VSNL1: variants seen among roughly 807,000 people sequenced by gnomAD.
VSNL1 encodes the protein visinin like 1.
Under a neutral mutation model 20.4 loss-of-function variants are expected in VSNL1, and 6 were observed. That is an observed-to-expected ratio of 0.29 (90% confidence interval 0.16 to 0.58). The LOEUF is 0.58. VSNL1 is among the 20% of genes least tolerant of loss of function. The probability of loss-of-function intolerance (pLI) is 0.90; values close to 1 mark genes in which losing one functional copy is unlikely to be tolerated. For synonymous variants in VSNL1, 93 were observed against 86.4 expected (o/e 1.08, Z -0.42); for missense variants, 100 against 234.5 (o/e 0.43, Z 3.75).
At chr2:17,565,736 A>G (rs1359417170) in intron 1 of VSNL1, among the ~76,000 whole-genome samples, 2 of 152,210 alleles carry the variant, frequency 1.3e-5, no homozygotes, top group Non-Finnish European at 2.9e-5. Context: ...ATTTATTATA[A>G]CTACTATACA....
At chr2:17,640,880 G>A (rs1208984312) in intron 2 of VSNL1, among the ~76,000 whole-genome samples, 4 of 152,104 alleles carry the variant, frequency 2.6e-5, no homozygotes, top group Non-Finnish European at 4.4e-5. Context: ...AATAAATTAT[G>A]GTTAACAATA....
chr2:17,548,675 A>G (rs1030431471), intron 1 of VSNL1, among the ~76,000 whole-genome samples: 4 of 152,060 alleles, frequency 2.6e-5, no homozygotes, highest in Non-Finnish European at 5.9e-5. Context: ...CCACCTTCTC[A>G]GTTACATTTC....
chr2:17,628,450 A>G (rs933974466), intron 2 of VSNL1, among the ~76,000 whole-genome samples: 6 of 152,224 alleles, frequency 3.9e-5, no homozygotes, highest in Non-Finnish European at 8.8e-5. Flanking sequence ...TCCACTAGGT[A>G]CCGAGGGGCA....
intron 1 of VSNL1, among the ~76,000 whole-genome samples, chr2:17,582,528 G>A (rs1664372428): frequency 6.6e-6 from 1 of 152,150 alleles, no homozygotes; most frequent in Non-Finnish European, 1.5e-5. Context: ...GAGAAAAGTA[G>A]ATGGAATCAA....
intron 1 of VSNL1, among the ~76,000 whole-genome samples, chr2:17,566,182 ATCTTT>A (rs1479258189): frequency 6.6e-6 from 1 of 152,154 alleles, no homozygotes; most frequent in Non-Finnish European, 1.5e-5. Context: ...ACATTTAGTT[ATCTTT>A]TCTTTTTTTG....
intron 2 of VSNL1, among the ~76,000 whole-genome samples, chr2:17,644,927 G>A (rs532180280): frequency 2.0e-5 from 3 of 152,212 alleles, no homozygotes; most frequent in Non-Finnish European, 4.4e-5. Context: ...TCATAGGCCA[G>A]GCAAAATAGG....
At chr2:17,651,660 G>A (rs984353210) in intron 3 of VSNL1, among the ~76,000 whole-genome samples, 8 of 152,226 alleles carry the variant, frequency 5.3e-5, no homozygotes, top group Non-Finnish European at 1.2e-4. Flanking sequence ...ACCAAGGCCC[G>A]GTGGGCAGTC....
At chr2:17,617,773 G>A (rs951140769) in intron 2 of VSNL1, among the ~76,000 whole-genome samples, 1 of 152,132 alleles carries the variant, frequency 6.6e-6, no homozygotes, top group Non-Finnish European at 1.5e-5. Context: ...TTCATCCTCA[G>A]CTTGTCAGGC....
rs1665714413 is a variant in VSNL1 at position 17,634,732 on chromosome 2, A to G, written c.163-14678A>G. Among the ~76,000 whole-genome samples the G allele has an allele frequency of 6.6e-6, 1 of 152,164 alleles. No homozygotes were observed. The highest frequency in any genetic ancestry group is 1.5e-5 in the Non-Finnish European group (1 of 68,034). ...TTGTTTTGCTGAGATCACAACTGCC[A>G]AAGAAGAGAAAATGGTTAGCTCATT... On this transcript the variant is annotated intron_variant, in intron 2 of 3. Transcript: ENST00000295156. The surrounding 1 kb of genome is among the most constrained non-coding windows in gnomAD (Gnocchi z 4.3).
intron 1 of VSNL1, among the ~76,000 whole-genome samples, chr2:17,564,250 A>T (rs1200464477): frequency 6.6e-6 from 1 of 152,214 alleles, no homozygotes; most frequent in East Asian, 1.9e-4. Flanking sequence ...TGGTCTGGCA[A>T]CCACTTTGTG....
chr2:17,640,219 C>T (rs1367515651), intron 2 of VSNL1, among the ~76,000 whole-genome samples: 2 of 146,706 alleles, frequency 1.4e-5, no homozygotes, highest in South Asian at 2.1e-4. Context: ...TGCCATTGCA[C>T]TCTGGCCTGG....
intron 2 of VSNL1, among the ~76,000 whole-genome samples, chr2:17,635,059 A>G (rs17380736): frequency 0.38 from 57,588 of 152,010 alleles, 11,412 homozygotes; most frequent in Non-Finnish European, 0.42. Flanking sequence ...CACACATCTC[A>G]GGGTGCACCA....
intron 2 of VSNL1, among the ~76,000 whole-genome samples, chr2:17,608,559 G>T (rs1325180882): frequency 1.3e-5 from 2 of 152,204 alleles, no homozygotes; most frequent in East Asian, 3.9e-4. Context: ...TATCCTGGGG[G>T]TGAACAGAGT....
intron 2 of VSNL1, among the ~76,000 whole-genome samples, chr2:17,648,423 A>C (rs1173947148): frequency 6.6e-6 from 1 of 152,234 alleles, no homozygotes; most frequent in Non-Finnish European, 1.5e-5. Flanking sequence ...TCCACTTAGC[A>C]GGTGCAAAAC....
chr2:17,579,503 A>G (rs1664300154), intron 1 of VSNL1, among the ~76,000 whole-genome samples: 2 of 152,166 alleles, frequency 1.3e-5, no homozygotes, highest in South Asian at 2.1e-4. Context: ...GTGAGAAACA[A>G]TTTTACAATT....
chr2:17,601,670 C>T (rs1402765803), intron 2 of VSNL1, among the ~76,000 whole-genome samples: 2 of 151,448 alleles, frequency 1.3e-5, no homozygotes, highest in African/African-American at 4.9e-5. Flanking sequence ...CATGGTGGCT[C>T]ATGCCTGTAA....
intron 2 of VSNL1, among the ~76,000 whole-genome samples, chr2:17,647,864 C>A (rs945832890): frequency 5.9e-5 from 9 of 151,862 alleles, no homozygotes; most frequent in Non-Finnish European, 8.8e-5. Flanking sequence ...CAAGACGAGG[C>A]CCGACATGAA....
chr2:17,559,825 A>G (rs1663772113), intron 1 of VSNL1, among the ~76,000 whole-genome samples: 1 of 152,116 alleles, frequency 6.6e-6, no homozygotes, highest in Non-Finnish European at 1.5e-5. Flanking sequence ...CTATCCCTGA[A>G]AAACACTATA....
rs555505322 is a variant in VSNL1, at chr2:17,552,157, G to A, written c.-6+11239G>A. On this transcript the variant is annotated intron_variant, in intron 1 of 3. Transcript: ENST00000295156. ...GGAGCTTGCAGTGAGTCGAGATTGC[G>A]CCACTGCACTCCAGCCTGGGCGACA... Among the ~76,000 whole-genome samples, 20 of 139,766 alleles carry A rather than the reference G, an allele frequency of 1.4e-4. No homozygotes were observed. In the South Asian group the frequency reaches 4.4e-3, roughly 31 times the overall value. The allele number at this position is 139,766 out of a possible 152,430, so 91.7% of individuals were successfully genotyped here.
Sources: gnomAD v4.1 joint callset for allele counts (sites outside exome capture counted in the v4.1 genomes callset) on GRCh38, gnomAD v4.1.1 for gene constraint, Gnocchi (gnomAD v3.1) non-coding constraint, MANE v1.5 for transcripts, NCBI Gene and HGNC (gene_info 2026-07-23, HGNC 2026-07-21) for gene names.